MTHFD2L: variants seen among roughly 807,000 people sequenced by gnomAD.
MTHFD2L encodes methylenetetrahydrofolate dehydrogenase (NADP+ dependent) 2 like.
MTHFD2L carries 29 observed loss-of-function variants against 34.9 expected under a neutral mutation model. The ratio of observed to expected loss-of-function variants is 0.83; its 90% CI spans 0.62 to 1.13. MTHFD2L has a LOEUF of 1.13. MTHFD2L is among the 50% of genes most tolerant of loss of function. MTHFD2L has a pLI of 0.00. For missense variants in MTHFD2L, 481 were observed against 446.5 expected (o/e 1.08, Z -0.70); for synonymous variants, 167 against 155.7 (o/e 1.07, Z -0.54).
intron 6 of MTHFD2L, among the ~76,000 whole-genome samples, chr4:74,273,443 G>A (rs1036582683): frequency 6.6e-6 from 1 of 152,046 alleles, no homozygotes; most frequent in African/African-American, 2.4e-5. Flanking sequence ...CCTCAACAAA[G>A]GAATCTTTTA....
chr4:74,259,248 C>T (rs940624581), intron 6 of MTHFD2L, among the ~76,000 whole-genome samples: 1 of 152,190 alleles, frequency 6.6e-6, no homozygotes, highest in Non-Finnish European at 1.5e-5. Flanking sequence ...TTAAACAAAG[C>T]AGCTAAATGT....
intron 7 of MTHFD2L, among the ~76,000 whole-genome samples, chr4:74,295,907 T>C (rs1749573725): frequency 6.6e-6 from 1 of 152,186 alleles, no homozygotes; most frequent in East Asian, 1.9e-4. Context: ...GCCACATTAA[T>C]ACACAGTGCT....
At position 74,170,056 on chromosome 4, in the gene MTHFD2L, C is replaced by T. The variant is rs564162504; in HGVS notation, c.144-4450C>T. Among the ~76,000 whole-genome samples, 4 of 151,976 alleles carry T rather than the reference C, an allele frequency of 2.6e-5. No individual in the cohort carries two copies. The East Asian group carries it at 5.8e-4, about 22-fold the overall frequency. ...GGGTGAATCCTACCAAACATTTAAG[C>T]GAGAAAAAAATGCCAATTCTTTACA... is the stretch of plus-strand genomic sequence containing the variant. On this transcript the variant is annotated intron_variant, in intron 1 of 7. Coordinates refer to ENST00000325278, the MANE Select transcript of MTHFD2L (RefSeq NM_001144978.3).
intron 1 of MTHFD2L, among the ~76,000 whole-genome samples, chr4:74,133,196 T>C (rs1251853053): frequency 6.6e-6 from 1 of 152,188 alleles, no homozygotes; most frequent in African/African-American, 2.4e-5. Context: ...CCAGATGAAC[T>C]GGAGTTGCTT....
chr4:74,171,800 C>A (rs1419693192), intron 1 of MTHFD2L, among the ~76,000 whole-genome samples: 1 of 151,422 alleles, frequency 6.6e-6, no homozygotes, highest in Non-Finnish European at 1.5e-5. Flanking sequence ...CCCTGTCCCC[C>A]ACAAAAAAAA....
chr4:74,278,651 T>C (rs1179939202), intron 6 of MTHFD2L, among the ~76,000 whole-genome samples: 1 of 152,080 alleles, frequency 6.6e-6, no homozygotes, highest in Non-Finnish European at 1.5e-5. Flanking sequence ...CTAAAGTGAC[T>C]CAGCTTTCCT....
upstream of MTHFD2L, among the ~76,000 whole-genome samples, chr4:74,122,783 A>T (rs1218114900): frequency 6.6e-6 from 1 of 152,176 alleles, no homozygotes; most frequent in Non-Finnish European, 1.5e-5. Context: ...ACGGTAAAGG[A>T]TATTATTGGG....
intron 5 of MTHFD2L, among the ~76,000 whole-genome samples, chr4:74,215,397 A>G (rs1249403779): frequency 6.6e-6 from 1 of 151,786 alleles, no homozygotes; most frequent in East Asian, 1.9e-4. Flanking sequence ...CTGGGCTGGA[A>G]TGCATCGTCC....
chr4:74,170,372 TATG>T (rs1315090283), intron 1 of MTHFD2L, among the ~76,000 whole-genome samples: 1 of 152,160 alleles, frequency 6.6e-6, no homozygotes, highest in Non-Finnish European at 1.5e-5. Context: ...GAGAAAAACA[TATG>T]ATCATCTCAA....
chr4:74,177,094 C>T (rs756369817), intron 3 of MTHFD2L, among the ~76,000 whole-genome samples: 13 of 151,806 alleles, frequency 8.6e-5, no homozygotes, highest in Non-Finnish European at 1.6e-4. Context: ...GAAAAATGCT[C>T]TGGCAGATAA....
chr4:74,123,685 T>C (rs1401403273), upstream of MTHFD2L, among the ~76,000 whole-genome samples: 1 of 152,124 alleles, frequency 6.6e-6, no homozygotes, highest in African/African-American at 2.4e-5. Context: ...TTTTCTGTTT[T>C]AGGTAAAATT....
intron 6 of MTHFD2L, among the ~76,000 whole-genome samples, chr4:74,278,966 A>G (rs1747062515): frequency 6.6e-6 from 1 of 152,130 alleles, no homozygotes; most frequent in South Asian, 2.1e-4. Context: ...TATGTTATTT[A>G]GCTACCTATG....
chr4:74,206,479 G>T (rs1031823518), intron 5 of MTHFD2L, among the ~76,000 whole-genome samples: 4 of 152,142 alleles, frequency 2.6e-5, no homozygotes, highest in African/African-American at 4.8e-5. Context: ...ACTAGCATAC[G>T]GTTAGATAGA....
In MTHFD2L at chr4:74,271,610, C is replaced by T. The variant is rs555095890; in HGVS notation, c.806-9815C>T. Among the ~76,000 whole-genome samples, 25 of 152,262 alleles carry T rather than the reference C, an allele frequency of 1.6e-4. 1 individual carries two copies. In the East Asian group the frequency reaches 4.2e-3, roughly 26 times the overall value. On this transcript the variant is annotated intron_variant, in intron 6 of 7. Transcript: ENST00000325278. The stretch of plus-strand genomic sequence containing the variant: ...AGTTTGAAGTCAGGTAGCATGATGC[C>T]TCCAGCTTGTTCTTTTGGCTTAGGA...
chr4:74,207,757 GA>G (rs574889449), intron 5 of MTHFD2L, among the ~76,000 whole-genome samples: 1,591 of 111,180 alleles, frequency 0.014, 39 homozygotes, highest in African/African-American at 0.06. Flanking sequence ...CCCCAGTTGT[GA>G]AAAAGAACTT....
At chr4:74,158,962 G>T (rs1724811517) in intron 1 of MTHFD2L, among the ~76,000 whole-genome samples, 1 of 152,084 alleles carries the variant, frequency 6.6e-6, no homozygotes, top group Non-Finnish European at 1.5e-5. Flanking sequence ...ATATCTTCTT[G>T]ACCCAGAGCT....
rs545949529 is a variant in MTHFD2L, at chr4:74,302,959, C to A, written c.*1150C>A. 6 of 152,150 alleles carry A rather than the reference C, an allele frequency of 3.9e-5. No individual in the cohort carries two copies. The highest frequency in any genetic ancestry group is 9.6e-5 in the African/African-American group (4 of 41,520). The allele number at this position is 152,150 out of a possible 1,614,324, so 9.4% of individuals were successfully genotyped here. A position where few individuals can be genotyped will look rare whatever the true frequency, so the allele number is the denominator to read the frequency against. On this transcript the variant is annotated 3_prime_UTR_variant, in exon 8 of 8. Transcript: ENST00000325278. Reference sequence around the variant, plus strand: ...ATACTGTGTTTTTATGCCCAAATCCCAGTATGTTTATGTACCAATAATGAC... The same window carrying A: ...ATACTGTGTTTTTATGCCCAAATCCAAGTATGTTTATGTACCAATAATGAC...
At chr4:74,138,204 C>T (rs1403133542) in intron 1 of MTHFD2L, among the ~76,000 whole-genome samples, 5 of 152,114 alleles carry the variant, frequency 3.3e-5, no homozygotes, top group Non-Finnish European at 5.9e-5. Context: ...TTGGGTTGGT[C>T]ATGGCTCCTC....
chr4:74,148,704 C>T (rs370604089), intron 1 of MTHFD2L, among the ~76,000 whole-genome samples: 6 of 147,148 alleles, frequency 4.1e-5, no homozygotes, highest in African/African-American at 1.2e-4. Flanking sequence ...TGAATATGCA[C>T]GTATCTTATG....
Sources: gnomAD v4.1 joint callset for allele counts (sites outside exome capture counted in the v4.1 genomes callset) on GRCh38, gnomAD v4.1.1 for gene constraint, MANE v1.5 for transcripts, NCBI Gene and HGNC (gene_info 2026-07-23, HGNC 2026-07-21) for gene names.